ELOVL5: variants seen among roughly 807,000 people sequenced by gnomAD.
ELOVL5 encodes ELOVL fatty acid elongase 5.
In ELOVL5, 8 loss-of-function variants were observed where a neutral mutation model predicts 38.6. The ratio of observed to expected loss-of-function variants is 0.21; its 90% CI spans 0.12 to 0.37. The LOEUF (loss-of-function observed/expected upper bound fraction) is 0.37. ELOVL5 is among the 10% of genes least tolerant of loss of function. The pLI is 1.00. For synonymous variants in ELOVL5, 127 were observed against 133.7 expected (o/e 0.95, Z 0.34); for missense variants, 280 against 367.8 (o/e 0.76, Z 1.95).
Position 53,316,004 on chromosome 6 carries a change from C to T in ELOVL5, c.-8-20297G>A, listed in dbSNP as rs535639069. Among the ~76,000 whole-genome samples, 15 of 152,314 alleles carry T rather than the reference C, an allele frequency of 9.8e-5. No homozygotes were observed. The South Asian group carries it at 3.1e-3, about 32-fold the overall frequency. On this transcript the variant is annotated intron_variant, in intron 1 of 7. Coordinates refer to ENST00000304434, the MANE Select transcript of ELOVL5 (RefSeq NM_021814.5). ...CAAGCTGCTAAAACTATATAGACCT[C>T]AGTTTCCCAACTCATAAACATGGGG...
chr6:53,294,806 G>T (rs1283949133), intron 2 of ELOVL5, among the ~76,000 whole-genome samples: 1 of 152,126 alleles, frequency 6.6e-6, no homozygotes, highest in Non-Finnish European at 1.5e-5. Flanking sequence ...TGAGCATCCT[G>T]ATATGTATCA....
At chr6:53,280,855 A>G (rs908678591) in intron 3 of ELOVL5, among the ~76,000 whole-genome samples, 1 of 152,182 alleles carries the variant, frequency 6.6e-6, no homozygotes, top group African/African-American at 2.4e-5. Flanking sequence ...TTGGCCACCC[A>G]AAGTGCTGGG....
At chr6:53,311,401 T>C (rs1767826562) in intron 1 of ELOVL5, among the ~76,000 whole-genome samples, 1 of 152,172 alleles carries the variant, frequency 6.6e-6, no homozygotes. Flanking sequence ...AAATGGTACA[T>C]CTGCTGTGGA....
chr6:53,279,677 A>G (rs1206654768), intron 3 of ELOVL5, among the ~76,000 whole-genome samples: 2 of 152,220 alleles, frequency 1.3e-5, no homozygotes, highest in African/African-American at 4.8e-5. Flanking sequence ...AGTATTTTAA[A>G]CGAGGCTTGA....
chr6:53,294,386 T>C, intron 2 of ELOVL5: 7 of 1,558,500 alleles, frequency 4.5e-6, no homozygotes, highest in Non-Finnish European at 6.1e-6. Flanking sequence ...ACCACACAAA[T>C]GAAACATTTT....
At chr6:53,309,729 G>T (rs1206588113) in intron 1 of ELOVL5, among the ~76,000 whole-genome samples, 1 of 152,186 alleles carries the variant, frequency 6.6e-6, no homozygotes, top group Non-Finnish European at 1.5e-5. Flanking sequence ...TGTGTTTCTA[G>T]GACCACTAGC....
At chr6:53,291,612 T>C (rs1308620755) in intron 3 of ELOVL5, among the ~76,000 whole-genome samples, 164 bp downstream of exon 3, 1 of 152,220 alleles carries the variant, frequency 6.6e-6, no homozygotes, top group Non-Finnish European at 1.5e-5. Flanking sequence ...CTCTGACATT[T>C]TGAAAAATCG....
intron 1 of ELOVL5, among the ~76,000 whole-genome samples, chr6:53,320,590 T>G (rs2127587063): frequency 1.3e-5 from 2 of 152,166 alleles, no homozygotes; most frequent in South Asian, 4.2e-4. Context: ...CCCAAAGTGC[T>G]GGGATTACAG....
At chr6:53,309,401 T>C (rs1459510444) in intron 1 of ELOVL5, among the ~76,000 whole-genome samples, 2 of 152,158 alleles carry the variant, frequency 1.3e-5, no homozygotes, top group South Asian at 2.1e-4. Flanking sequence ...TGAACACTGG[T>C]TGAGAAACGT....
intron 2 of ELOVL5, chr6:53,294,388 A>G (rs1386080535): frequency 1.6e-5 from 25 of 1,557,956 alleles, no homozygotes; most frequent in Non-Finnish European, 2.1e-5. Context: ...CACACAAATG[A>G]AACATTTTTT....
chr6:53,327,442 C>T (rs1046481985), intron 1 of ELOVL5, among the ~76,000 whole-genome samples: 9 of 152,184 alleles, frequency 5.9e-5, no homozygotes, highest in African/African-American at 2.2e-4. Context: ...CAAGAGGTCA[C>T]ATATTGTATG....
chr6:53,289,753 G>T (rs1330686572), intron 3 of ELOVL5, among the ~76,000 whole-genome samples: 1 of 152,154 alleles, frequency 6.6e-6, no homozygotes, highest in Non-Finnish European at 1.5e-5. Flanking sequence ...TAGCTAAAAT[G>T]ATATTTGAAG....
At chr6:53,303,433 T>C (rs1189081582) in intron 1 of ELOVL5, among the ~76,000 whole-genome samples, 2 of 152,258 alleles carry the variant, frequency 1.3e-5, no homozygotes, top group Admixed American at 6.5e-5. Flanking sequence ...ATTCTCTTTC[T>C]TCCCCCTGCA....
chr6:53,284,010 A>C (rs2127571299), intron 3 of ELOVL5, among the ~76,000 whole-genome samples: 1 of 152,282 alleles, frequency 6.6e-6, no homozygotes, highest in South Asian at 2.1e-4. Context: ...GACCTTAAAA[A>C]AAAAAAAAAG....
At chr6:53,271,007 T>G (rs929686961) in intron 6 of ELOVL5, among the ~76,000 whole-genome samples, 4 of 152,198 alleles carry the variant, frequency 2.6e-5, no homozygotes, top group African/African-American at 9.7e-5. Flanking sequence ...AGACTTTTTG[T>G]TTTTATTTTT....
At chr6:53,297,781 G>A (rs955673893) in intron 1 of ELOVL5, among the ~76,000 whole-genome samples, 1 of 151,964 alleles carries the variant, frequency 6.6e-6, no homozygotes, top group East Asian at 1.9e-4. Flanking sequence ...ACTCCCTGAC[G>A]ATGAGGGGGT....
At chr6:53,312,343 C>T (rs1215554210) in intron 1 of ELOVL5, among the ~76,000 whole-genome samples, 1 of 152,188 alleles carries the variant, frequency 6.6e-6, no homozygotes, top group African/African-American at 2.4e-5. Flanking sequence ...GGTATATCCA[C>T]ACCACGGAAC....
intron 1 of ELOVL5, among the ~76,000 whole-genome samples, chr6:53,309,598 G>A (rs766838293): frequency 2.6e-5 from 4 of 152,160 alleles, no homozygotes; most frequent in African/African-American, 9.7e-5. Flanking sequence ...GCCCTTTCCC[G>A]ATGAACCAGG....
At chr6:53,318,165 A>T (rs890819003) in intron 1 of ELOVL5, among the ~76,000 whole-genome samples, 8 of 152,118 alleles carry the variant, frequency 5.3e-5, no homozygotes, top group African/African-American at 1.7e-4. Context: ...GTTACAATAA[A>T]TTTTTTTCTA....
Sources: allele counts gnomAD v4.1 joint callset (sites outside exome capture counted in the v4.1 genomes callset), GRCh38; gene constraint gnomAD v4.1.1; transcripts MANE v1.5; gene names NCBI Gene and HGNC (gene_info 2026-07-23, HGNC 2026-07-21).